Variants in GPC5 observed in about 807,000 individuals in gnomAD.
GPC5 encodes the protein glypican 5, also known as glypican-5.
A neutral mutation model predicts 53.9 loss-of-function variants in GPC5; 47 were observed. That is an observed-to-expected ratio of 0.87 (90% CI 0.69 to 1.11). The LOEUF (loss-of-function observed/expected upper bound fraction) is 1.11, where lower values mean the gene tolerates loss of function less well. Among genes scored for constraint, GPC5 ranks in the 50% most tolerant of loss-of-function variants. GPC5 has a pLI of 0.00. For missense variants in GPC5, 748 were observed against 713.1 expected (o/e 1.05, Z -0.56); for synonymous variants, 286 against 263.3 (o/e 1.09, Z -0.84).
chr13:92,391,712 G>A (rs1875011055), intron 7 of GPC5, among the ~76,000 whole-genome samples: 1 of 151,908 alleles, frequency 6.6e-6, no homozygotes, highest in African/African-American at 2.4e-5. Flanking sequence ...CATGACCTTT[G>A]CAAATACTTT....
intron 2 of GPC5, among the ~76,000 whole-genome samples, chr13:91,571,769 G>GTATATACACACACGTATACGTGTGTGTA (rs2031799731): frequency 1.7e-5 from 2 of 114,302 alleles, no homozygotes; most frequent in Non-Finnish European, 3.6e-5. Flanking sequence ...ATGTGTATGT[G>GTATATACACACACGTATACGTGTGTGTA]TATATACACA....
At chr13:92,631,669 G>C (rs879648514) in intron 7 of GPC5, among the ~76,000 whole-genome samples, 14 of 152,046 alleles carry the variant, frequency 9.2e-5, no homozygotes, top group Non-Finnish European at 1.8e-4. Context: ...TAAAAATATG[G>C]TTGAGTTTCT....
chr13:92,458,682 A>G (rs2139407128), intron 7 of GPC5, among the ~76,000 whole-genome samples: 1 of 152,258 alleles, frequency 6.6e-6, no homozygotes, highest in South Asian at 2.1e-4. Flanking sequence ...GGCAAGAAAG[A>G]AGACAAAGAA....
intron 7 of GPC5, among the ~76,000 whole-genome samples, chr13:92,643,075 G>GT (rs1566338160): frequency 6.6e-6 from 1 of 151,936 alleles, no homozygotes; most frequent in African/African-American, 2.4e-5. Flanking sequence ...GGGGTTGTTC[G>GT]TTTTTTTCTT....
At chr13:91,992,561 G>A (rs1472274293) in intron 6 of GPC5, among the ~76,000 whole-genome samples, 2 of 151,314 alleles carry the variant, frequency 1.3e-5, no homozygotes, top group East Asian at 1.9e-4. Flanking sequence ...AGGTTCAAGC[G>A]ATTCTCCTGC....
chr13:92,715,848 T>G (rs915252492), intron 7 of GPC5, among the ~76,000 whole-genome samples: 1 of 152,194 alleles, frequency 6.6e-6, no homozygotes, highest in African/African-American at 2.4e-5. Context: ...TTTCTGTCTA[T>G]GTCTCCAGTT....
At chr13:91,901,142 A>C (rs1474512476) in intron 5 of GPC5, among the ~76,000 whole-genome samples, 2 of 152,060 alleles carry the variant, frequency 1.3e-5, no homozygotes, top group Admixed American at 1.3e-4. Context: ...TTAATAGGAA[A>C]TTTGTTATAT....
intron 6 of GPC5, among the ~76,000 whole-genome samples, chr13:92,109,438 A>G (rs554226208): frequency 2.0e-5 from 3 of 152,240 alleles, no homozygotes; most frequent in Non-Finnish European, 2.9e-5. Context: ...GTCTTACTCT[A>G]TTCAAACTCT....
At chr13:91,972,043 T>A (rs1014859106) in intron 6 of GPC5, among the ~76,000 whole-genome samples, 2 of 152,204 alleles carry the variant, frequency 1.3e-5, no homozygotes, top group Non-Finnish European at 2.9e-5. Flanking sequence ...GTGTCGTTGA[T>A]CTGTCTAATG....
intron 2 of GPC5, among the ~76,000 whole-genome samples, chr13:91,569,542 G>A (rs2031688841): frequency 6.6e-6 from 1 of 152,104 alleles, no homozygotes; most frequent in Non-Finnish European, 1.5e-5. Flanking sequence ...ATTGGAGGTG[G>A]TATAACCCCC....
chr13:92,465,542 A>C (rs1878657629), intron 7 of GPC5, among the ~76,000 whole-genome samples: 1 of 152,062 alleles, frequency 6.6e-6, no homozygotes, highest in South Asian at 2.1e-4. Context: ...ATGCTATCTT[A>C]TAGGAGAGTC....
chr13:91,750,001 G>A (rs2037135825), intron 4 of GPC5, among the ~76,000 whole-genome samples: 3 of 152,076 alleles, frequency 2.0e-5, no homozygotes, highest in Non-Finnish European at 4.4e-5. Flanking sequence ...GTAGAAACGG[G>A]GTTTAGCCAT....
At chr13:92,388,834 A>C (rs967144655) in intron 7 of GPC5, among the ~76,000 whole-genome samples, 29 of 152,128 alleles carry the variant, frequency 1.9e-4, no homozygotes, top group African/African-American at 7.0e-4. Context: ...AGTCTTTCAT[A>C]TTAGCCAGGA....
intron 7 of GPC5, among the ~76,000 whole-genome samples, chr13:92,385,519 C>CATATACATATATATAT (rs1481687635): frequency 1.3e-5 from 1 of 74,182 alleles, no homozygotes; most frequent in Non-Finnish European, 2.3e-5. Flanking sequence ...TATATACATA[C>CATATACATATATATAT]ATATGCATAT....
chr13:92,860,472 C>T (rs754034298), intron 7 of GPC5, among the ~76,000 whole-genome samples: 2 of 152,138 alleles, frequency 1.3e-5, no homozygotes, highest in East Asian at 3.9e-4. Flanking sequence ...ATACTGGATG[C>T]ACCCACCAAT....
At chr13:91,956,360 C>A (rs2040073762) in intron 6 of GPC5, among the ~76,000 whole-genome samples, 1 of 152,096 alleles carries the variant, frequency 6.6e-6, no homozygotes, top group Non-Finnish European at 1.5e-5. Flanking sequence ...CAGCCCATTG[C>A]AGCTCCCATC....
intron 7 of GPC5, among the ~76,000 whole-genome samples, chr13:92,562,309 G>A (rs1308215319): frequency 5.3e-5 from 8 of 152,030 alleles, no homozygotes; most frequent in Admixed American, 5.2e-4. Context: ...TCAATACGTC[G>A]GCTCTTGCCA....
chr13:92,230,586 C>G (rs937448234), intron 7 of GPC5, among the ~76,000 whole-genome samples: 4 of 152,122 alleles, frequency 2.6e-5, no homozygotes, highest in African/African-American at 9.7e-5. Context: ...ATTTCAAAAT[C>G]AGAAGTAACT....
Position 91,845,623 on chromosome 13 carries a change from C to A in GPC5, c.1281-62314C>A, listed in dbSNP as rs148868163. On this transcript the variant is annotated intron_variant, in intron 5 of 7. Transcript: ENST00000377067. ...ATAACCAGGAAGGCACAGACAAGGGCTTTTGGCTCTTCTTCTGCAACTCTG... is the reference window on the plus strand; with the variant it reads ...ATAACCAGGAAGGCACAGACAAGGGATTTTGGCTCTTCTTCTGCAACTCTG... 4.6e-5 allele frequency among the ~76,000 whole-genome samples: 7 copies of A among 152,246 alleles called. No individual in the cohort carries two copies. The East Asian group carries it at 1.2e-3, about 25-fold the overall frequency.
Sources: gnomAD v4.1 joint callset for allele counts (sites outside exome capture counted in the v4.1 genomes callset) on GRCh38, gnomAD v4.1.1 for gene constraint, MANE v1.5 for transcripts, NCBI Gene and HGNC (gene_info 2026-07-23, HGNC 2026-07-21) for gene names.